KLK11: variants seen among roughly 807,000 people sequenced by gnomAD.
The protein encoded by KLK11 is kallikrein-11.
In KLK11, 10 loss-of-function variants were observed where a neutral mutation model predicts 23.4. The observed-to-expected ratio is 0.43, with a 90% CI of 0.26 to 0.73. The LOEUF is 0.73. Ranked by LOEUF, KLK11 falls within the 30% of genes least tolerant of loss-of-function variation. The pLI is 0.22. For synonymous variants in KLK11, 131 were observed against 131.7 expected (o/e 0.99, Z 0.03); for missense variants, 285 against 327.8 (o/e 0.87, Z 1.01).
upstream of KLK11, chr19:51,027,869 C>T (rs2091508381): frequency 1.3e-5 from 3 of 232,918 alleles, no homozygotes; most frequent in Admixed American, 5.6e-5. Flanking sequence ...TGTGCCTCCG[C>T]TGGTATGATC....
upstream of KLK11, chr19:51,027,445 C>T (rs1472103871): frequency 8.7e-6 from 14 of 1,613,556 alleles, no homozygotes; most frequent in Non-Finnish European, 1.1e-5. Context: ...CCGAGTCCAG[C>T]TGTTCACTTA....
At chr19:51,023,988 A>G (rs1260038294) in intron 4 of KLK11, 57 bp downstream of exon 4, 1 of 1,365,188 alleles carries the variant, frequency 7.3e-7, no homozygotes, top group Admixed American at 2.7e-5. Context: ...ACCCTTCCAC[A>G]ATCCTGACCA....
rs1488098615 is a variant in KLK11, at chr19:51,025,861, G to A, written c.-35-195C>T. ...AAATATATCTTAGGTGTCTAGGGTG[G>A]CCTTGGAGAGGGCCTGGTCACAGCT... On this transcript the variant is annotated intron_variant, in intron 1 of 5. Transcript: ENST00000453757. The surrounding 1 kb of genome is among the most constrained non-coding windows in gnomAD (Gnocchi z 6.2). The A allele has an allele frequency of 1.3e-5, 6 of 444,806 alleles. No individual in the cohort carries two copies. Among genetic ancestry groups the A allele is most frequent in the African/African-American group, 1.0e-4 (5 of 49,166 alleles). The allele number at this position is 444,806 out of a possible 1,614,324, so 27.6% of individuals were successfully genotyped here. A position where few individuals can be genotyped will look rare whatever the true frequency, so the allele number is the denominator to read the frequency against.
In KLK11 at chr19:51,024,785, C is replaced by A. The variant is rs3745539; in HGVS notation, c.50G>T (p.Gly17Val). The A allele has an allele frequency of 6.3e-7, 1 of 1,582,730 alleles. No individual in the cohort carries two copies. The change falls in exon 3 of 6, where the codon GGG becomes GTG. Residue 17 changes from glycine (G) to valine (V), a missense_variant. Gly to Val is a moderately radical substitution (Grantham distance 109, BLOSUM62 -3). Transcript: ENST00000453757. This position sits in a 1 kb window ranked among gnomAD's most constrained non-coding sequence, Gnocchi z 6.2. ...ILLALATGLV[G>V]GETRIIKGFE... is the part of the protein sequence containing the mutation. ...CCCCTTGATGATCCTGGTCTCTCCC[C>A]CTACAAGCCCTGGAGGGGGTGAGAG...
chr19:51,022,443 T>A lies in KLK11; in HGVS notation c.*102A>T. ...TGTAGTCCAGGAGGCCCAAAGAATG[T>A]TCGTAGAGGGTCTTGGCTTAGGGTT... On this transcript the variant is annotated 3_prime_UTR_variant, in exon 6 of 6. Transcript: ENST00000453757. 2 of 1,416,158 alleles carry A rather than the reference T, an allele frequency of 1.4e-6. No individual in the cohort carries two copies. Among genetic ancestry groups the A allele is most frequent in the Non-Finnish European group, 2.0e-6 (2 of 1,005,420 alleles). The allele number at this position is 1,416,158 out of a possible 1,614,324, so 87.7% of individuals were successfully genotyped here. A position where few individuals can be genotyped will look rare whatever the true frequency, so the allele number is the denominator to read the frequency against.
rs2091451445 is a variant in KLK11 at position 51,024,531 on chromosome 19, T to C, written c.197+107A>G. ...CCATCAACCTTGCTGACACTACCCA[T>C]CCCCATCTCTAATCCCCTTACCAGC... On this transcript the variant is annotated intron_variant, in intron 3 of 5. Coordinates refer to ENST00000453757, the MANE Select transcript of KLK11 (RefSeq NM_001136032.3). The surrounding 1 kb of genome is among the most constrained non-coding windows in gnomAD (Gnocchi z 6.2). The C allele has an allele frequency of 8.5e-7, 1 of 1,180,048 alleles. No individual in the cohort carries two copies. Among genetic ancestry groups the C allele is most frequent in the African/African-American group, 1.7e-5 (1 of 60,216 alleles). 73.1% of individuals were successfully genotyped at this position (1,180,048 alleles called of 1,614,324 possible). A position where few individuals can be genotyped will look rare whatever the true frequency, so the allele number is the denominator to read the frequency against.
In KLK11 at chr19:51,024,408, G is replaced by A; in HGVS notation, c.198-98C>T. 6.5e-7 allele frequency: 1 copy of A among 1,534,444 alleles called. No homozygotes were observed. The highest frequency in any genetic ancestry group is 8.8e-7 in the Non-Finnish European group (1 of 1,136,904). ...TTTGAGGATGAAGAAACATCGCTCT[G>A]CTTCCAACCTCTTCCACGTCTCCCA... On this transcript the variant is annotated intron_variant, in intron 3 of 5. Coordinates refer to ENST00000453757, the MANE Select transcript of KLK11 (RefSeq NM_001136032.3). This position sits in a 1 kb window ranked among gnomAD's most constrained non-coding sequence, Gnocchi z 6.2.
rs752613045 is a variant in KLK11, at chr19:51,025,651, C to A, written c.-20G>T. On this transcript the variant is annotated 5_prime_UTR_variant, in exon 2 of 6. Transcript: ENST00000453757. The surrounding 1 kb of genome is among the most constrained non-coding windows in gnomAD (Gnocchi z 6.2). Reference sequence around the variant, plus strand: ...CCTCATGGCCTGGAGGGGGGAGGAGCGGGCCCCAGGTTCCTCTGGGAACAA... The same window carrying A: ...CCTCATGGCCTGGAGGGGGGAGGAGAGGGCCCCAGGTTCCTCTGGGAACAA... 35 of 1,575,748 alleles carry A rather than the reference C, an allele frequency of 2.2e-5. No homozygotes were observed. The highest frequency in any genetic ancestry group is 2.6e-5 in the Non-Finnish European group (30 of 1,160,808).
At position 51,026,531 on chromosome 19, in the gene KLK11, G is replaced by A. The variant is rs765989639; in HGVS notation, c.-36+7C>T. The stretch of plus-strand genomic sequence containing the variant: ...GAGGGGCAGCTTCCCTTTCCTCCTG[G>A]ACTCACAGGCTCTGGGGCTGGGGCT... On this transcript the variant is annotated splice_region_variant and intron_variant, in intron 1 of 5. Coordinates refer to ENST00000453757, the MANE Select transcript of KLK11 (RefSeq NM_001136032.3). The A allele has an allele frequency of 1.0e-6, 1 of 984,878 alleles. No homozygotes were observed. Among genetic ancestry groups the A allele is most frequent in the Non-Finnish European group, 1.2e-6 (1 of 828,946 alleles). 61.0% of individuals were successfully genotyped at this position (984,878 alleles called of 1,614,324 possible).
chr19:51,024,783 C>A lies in KLK11; in HGVS notation c.52G>T (p.Gly18Ter), dbSNP rs1171661721. 1.3e-6 allele frequency: 2 copies of A among 1,584,168 alleles called. No individual in the cohort carries two copies. The highest frequency in any genetic ancestry group is 2.3e-5 in the South Asian group (2 of 86,086). Reference sequence around the variant, plus strand: ...AACCCCTTGATGATCCTGGTCTCTCCCCCTACAAGCCCTGGAGGGGGTGAG... The same window carrying A: ...AACCCCTTGATGATCCTGGTCTCTCACCCTACAAGCCCTGGAGGGGGTGAG... ...LLALATGLVG[G>*]ETRIIKGFEC... Residue 18 changes from glycine (G) to a stop codon, truncating the protein, a stop_gained, in exon 3 of 6, where the codon GGA becomes TGA. Transcript: ENST00000453757. LOFTEE classifies it high-confidence loss of function. This position sits in a 1 kb window ranked among gnomAD's most constrained non-coding sequence, Gnocchi z 6.2.
chr19:51,023,352 C>A, intron 4 of KLK11, 124 bp from the exon 5 acceptor site: 56 of 965,696 alleles, frequency 5.8e-5, no homozygotes, highest in Non-Finnish European at 8.0e-5. Flanking sequence ...CACCTCTCTT[C>A]TTGTAACAAT....
chr19:51,027,936 C>T (rs1461595701), upstream of KLK11: 1 of 166,198 alleles, frequency 6.0e-6, no homozygotes, highest in African/African-American at 2.4e-5. Flanking sequence ...GAGATGGTCT[C>T]TCCTCACCTC....
chr19:51,023,189 ATGG>A lies in KLK11; in HGVS notation c.500_502del (p.Thr167del), dbSNP rs2091428430. On this transcript the variant is annotated inframe_deletion, in exon 5 of 6. Transcript: ENST00000453757. ...GTTCTCACACTTCTGGTGCTCAATG[ATGG>A]TGATGTTGGCGCATCGCAAGGTGTG... 1 of 1,613,618 alleles carries A rather than the reference ATGG, an allele frequency of 6.2e-7. No individual in the cohort carries two copies. The highest frequency in any genetic ancestry group is 8.5e-7 in the Non-Finnish European group (1 of 1,179,936).
In KLK11 at chr19:51,025,242, C is replaced by G. The variant is rs1406989841; in HGVS notation, c.40+350G>C. Among the ~76,000 whole-genome samples the G allele has an allele frequency of 2.0e-5, 3 of 151,614 alleles. No individual in the cohort carries two copies. Among genetic ancestry groups the G allele is most frequent in the Non-Finnish European group, 2.9e-5 (2 of 67,956 alleles). On this transcript the variant is annotated intron_variant, in intron 2 of 5. Coordinates refer to ENST00000453757, the MANE Select transcript of KLK11 (RefSeq NM_001136032.3). The surrounding 1 kb of genome is among the most constrained non-coding windows in gnomAD (Gnocchi z 6.2). ...CGTGTTGGCACCACGGCACTCCAGCCTGGACAATAGAGCAAGACTTTGTCT... is the reference window on the plus strand; with the variant it reads ...CGTGTTGGCACCACGGCACTCCAGCGTGGACAATAGAGCAAGACTTTGTCT...
chr19:51,026,661 G>C, upstream of KLK11: 1 of 923,636 alleles, frequency 1.1e-6, no homozygotes, highest in Non-Finnish European at 1.3e-6. Flanking sequence ...TGGCAGGGGG[G>C]CGGCCCTGGG....
Position 51,025,131 on chromosome 19 carries a change from T to G in KLK11, c.41-337A>C, listed in dbSNP as rs2091462771. Among the ~76,000 whole-genome samples, 1 of 152,048 alleles carries G rather than the reference T, an allele frequency of 6.6e-6. No homozygotes were observed. Among genetic ancestry groups the G allele is most frequent in the Non-Finnish European group, 1.5e-5 (1 of 67,984 alleles). ...CAATTAAACAATTAGCCTGGCTTGGTGGCAGGTGCCTGTGGTCCCAGCTAC... is the reference window on the plus strand; with the variant it reads ...CAATTAAACAATTAGCCTGGCTTGGGGGCAGGTGCCTGTGGTCCCAGCTAC... On this transcript the variant is annotated intron_variant, in intron 2 of 5. Transcript: ENST00000453757. The surrounding 1 kb of genome is among the most constrained non-coding windows in gnomAD (Gnocchi z 6.2).
At position 51,024,759 on chromosome 19, in the gene KLK11, A is replaced by G. The variant is rs2091457008; in HGVS notation, c.76T>C (p.Phe26Leu). 2 of 1,601,086 alleles carry G rather than the reference A, an allele frequency of 1.2e-6. No individual in the cohort carries two copies. Among genetic ancestry groups the G allele is most frequent in the Non-Finnish European group, 1.7e-6 (2 of 1,175,852 alleles). ...GGCTGGGAGTGAGGCTTGCACTCGA[A>G]CCCCTTGATGATCCTGGTCTCTCCC... ...VGGETRIIKG[F>L]ECKPHSQPWQ... Residue 26 changes from phenylalanine (F) to leucine (L), a missense_variant, in exon 3 of 6, where the codon TTC (phenylalanine) becomes CTC (leucine). By Grantham distance (22) the Phe-to-Leu change is conservative. Transcript: ENST00000453757. The surrounding 1 kb of genome is among the most constrained non-coding windows in gnomAD (Gnocchi z 6.2).
At position 51,024,320 on chromosome 19, in the gene KLK11, GAGAGACAGT is replaced by G. The variant is rs1300366003; in HGVS notation, c.198-19_198-11del. Reference sequence around the variant, plus strand: ...GTGAACTATGTAGCGGCTGAGGTGGGAGAGACAGTAGTTGGAGGAGGAAAGGTCGGGGGA... The same window carrying G: ...GTGAACTATGTAGCGGCTGAGGTGGGAGTTGGAGGAGGAAAGGTCGGGGGA... On this transcript the variant is annotated splice_polypyrimidine_tract_variant and intron_variant, in intron 3 of 5. Coordinates refer to ENST00000453757, the MANE Select transcript of KLK11 (RefSeq NM_001136032.3). This position sits in a 1 kb window ranked among gnomAD's most constrained non-coding sequence, Gnocchi z 6.2. The G allele has an allele frequency of 6.2e-7, 1 of 1,612,378 alleles. No individual in the cohort carries two copies. Among genetic ancestry groups the G allele is most frequent in the Non-Finnish European group, 8.5e-7 (1 of 1,179,482 alleles).
upstream of KLK11, chr19:51,027,350 G>T: frequency 1.8e-6 from 2 of 1,140,524 alleles, no homozygotes; most frequent in Non-Finnish European, 2.6e-6. Flanking sequence ...AGAGCCCTTG[G>T]CTGTGCTCCA....
Sources: allele counts gnomAD v4.1 joint callset (sites outside exome capture counted in the v4.1 genomes callset), GRCh38; gene constraint gnomAD v4.1.1; non-coding constraint Gnocchi (gnomAD v3.1); transcripts MANE v1.5; gene names NCBI Gene and HGNC (gene_info 2026-07-23, HGNC 2026-07-21).